The following PAPSS2 variants were observed in gnomAD, a reference collection of about 807,000 sequenced individuals.
PAPSS2 encodes the protein 3'-phosphoadenosine 5'-phosphosulfate synthase 2, also known as bifunctional 3'-phosphoadenosine 5'-phosphosulfate synthase 2.
A neutral mutation model predicts 66.5 loss-of-function variants in PAPSS2; 61 were observed. That is an observed-to-expected ratio of 0.92 (90% confidence interval 0.75 to 1.14). The LOEUF is 1.14. Ranked by LOEUF, PAPSS2 falls within the 50% of genes most tolerant of loss-of-function variation. The probability of loss-of-function intolerance (pLI) is 0.00; values close to 1 mark genes in which losing one functional copy is unlikely to be tolerated. For synonymous variants in PAPSS2, 289 were observed against 287.5 expected (o/e 1.01, Z -0.05); for missense variants, 708 against 789.6 (o/e 0.90, Z 1.24).
At chr10:87,692,613 G>A in intron 1 of PAPSS2, among the ~76,000 whole-genome samples, 1 of 152,178 alleles carries the variant, frequency 6.6e-6, no homozygotes, top group Non-Finnish European at 1.5e-5. Flanking sequence ...ATTATTGGCT[G>A]CTTGTTGTTT....
intron 9 of PAPSS2, among the ~76,000 whole-genome samples, chr10:87,733,543 G>A (rs1853756150): frequency 6.6e-6 from 1 of 152,194 alleles, no homozygotes; most frequent in Non-Finnish European, 1.5e-5. Flanking sequence ...GGGAATGAGA[G>A]TTTATAGCCT....
Position 87,727,428 on chromosome 10 carries a change from G to T in PAPSS2, c.1025G>T (p.Arg342Ile). ...ILRDAEFYEHRKEERCSRVWG... is the reference protein window; with the variant it reads ...ILRDAEFYEHIKEERCSRVWG... ...CGAGACGCTGAATTCTATGAACACA[G>T]AAAAGAGGAACGCTGTTCCCGTGTT... Residue 342 changes from arginine (R) to isoleucine (I), a missense_variant, in exon 9 of 13, where the codon AGA (arginine) becomes ATA (isoleucine). Physicochemically the swap from Arg to Ile is moderately conservative, Grantham distance 97. Coordinates refer to ENST00000456849, the MANE Select transcript of PAPSS2 (RefSeq NM_001015880.2). 1 of 1,614,108 alleles carries T rather than the reference G, an allele frequency of 6.2e-7. No homozygotes were observed. Among genetic ancestry groups the T allele is most frequent in the Non-Finnish European group, 8.5e-7 (1 of 1,180,002 alleles).
At chr10:87,665,243 G>C (rs1271375471) in intron 1 of PAPSS2, among the ~76,000 whole-genome samples, 2 of 150,194 alleles carry the variant, frequency 1.3e-5, no homozygotes, top group African/African-American at 4.9e-5. Flanking sequence ...ACAGAGTCTC[G>C]CACTGTCACC....
intron 6 of PAPSS2, 113 bp from the exon 7 acceptor site, chr10:87,715,619 A>G (rs1236309089): frequency 2.7e-6 from 2 of 729,110 alleles, no homozygotes; most frequent in Non-Finnish European, 5.1e-6. Flanking sequence ...CTTAAAACAT[A>G]GAAGGTTCTG....
chr10:87,676,551 A>AACTG (rs72163828), intron 1 of PAPSS2, among the ~76,000 whole-genome samples: 2 of 151,510 alleles, frequency 1.3e-5, no homozygotes, highest in African/African-American at 4.8e-5. Context: ...CAAATTAACT[A>AACTG]ATTAGCTTTG....
At chr10:87,711,262 G>A (rs180935460) in intron 2 of PAPSS2, among the ~76,000 whole-genome samples, 7 of 152,310 alleles carry the variant, frequency 4.6e-5, no homozygotes, top group Admixed American at 3.3e-4. Context: ...TGGAGGTGTC[G>A]ATAGAACTAA....
At chr10:87,683,519 G>A (rs1853050686) in intron 1 of PAPSS2, among the ~76,000 whole-genome samples, 1 of 152,168 alleles carries the variant, frequency 6.6e-6, no homozygotes. Context: ...ACGAAACAGA[G>A]TTCAATGGTC....
intron 1 of PAPSS2, among the ~76,000 whole-genome samples, chr10:87,675,178 G>A (rs1428552749): frequency 6.6e-6 from 1 of 152,186 alleles, no homozygotes; most frequent in African/African-American, 2.4e-5. Flanking sequence ...CTTAGTCATA[G>A]CATTAGCACT....
chr10:87,697,771 A>G (rs1853252436), intron 1 of PAPSS2, among the ~76,000 whole-genome samples: 1 of 152,212 alleles, frequency 6.6e-6, no homozygotes, highest in Non-Finnish European at 1.5e-5. Flanking sequence ...TGGGTGGTTT[A>G]TCATCCAATG....
chr10:87,715,090 A>G lies in PAPSS2; in HGVS notation c.745A>G (p.Ile249Val). 2 of 1,586,588 alleles carry G rather than the reference A, an allele frequency of 1.3e-6. No individual in the cohort carries two copies. The highest frequency in any genetic ancestry group is 1.1e-5 in the South Asian group (1 of 90,528). Reference sequence around the variant, plus strand: ...GGCTGAAACTCTCCCTTCATTATCAATTACTAAGGTAAGTGGGTGCAGACT... The same window carrying G: ...GGCTGAAACTCTCCCTTCATTATCAGTTACTAAGGTAAGTGGGTGCAGACT... ...AEAETLPSLS[I>V]TKLDLQWVQV... Residue 249 changes from isoleucine (I) to valine (V), a missense_variant, in exon 6 of 13, where the codon ATT becomes GTT. Ile to Val is a conservative substitution (Grantham distance 29, BLOSUM62 3). Coordinates refer to ENST00000456849, the MANE Select transcript of PAPSS2 (RefSeq NM_001015880.2).
chr10:87,745,299 C>A, intron 12 of PAPSS2, 68 bp downstream of exon 12: 1 of 1,351,026 alleles, frequency 7.4e-7, no homozygotes, highest in Non-Finnish European at 1.0e-6. Flanking sequence ...AGAATTTGGG[C>A]CCTTTGAAAA....
Position 87,743,459 on chromosome 10 carries a change from A to G in PAPSS2, c.1309A>G (p.Arg437Gly), listed in dbSNP as rs200611936. Residue 437 changes from arginine (R) to glycine (G), a missense_variant, in exon 11 of 13, where the codon AGG (arginine) becomes GGG (glycine). Transcript: ENST00000456849. ...GGACACTCGCCGCAGGCTCCTAGAG[A>G]GGGGCTACAAGCACCCGGTCCTCCT... ...MQDTRRRLLERGYKHPVLLLH... is the reference protein window; with the variant it reads ...MQDTRRRLLEGGYKHPVLLLH... 4.0e-5 allele frequency: 65 copies of G among 1,614,050 alleles called. No homozygotes were observed. In the East Asian group the frequency reaches 1.4e-3, roughly 36 times the overall value.
At chr10:87,695,939 T>C (rs1054847442) in intron 1 of PAPSS2, among the ~76,000 whole-genome samples, 1 of 152,170 alleles carries the variant, frequency 6.6e-6, no homozygotes. Context: ...ACACCCAGGA[T>C]AGCCATGAAA....
At chr10:87,711,020 A>C (rs1484102459) in intron 2 of PAPSS2, among the ~76,000 whole-genome samples, 2 of 152,194 alleles carry the variant, frequency 1.3e-5, no homozygotes, top group Non-Finnish European at 2.9e-5. Flanking sequence ...AAAATAAAAA[A>C]TTAAATTAAA....
At chr10:87,724,742 C>A (rs1003533715) in intron 8 of PAPSS2, among the ~76,000 whole-genome samples, 1 of 147,114 alleles carries the variant, frequency 6.8e-6, no homozygotes, top group Non-Finnish European at 1.5e-5. Flanking sequence ...GATATTATAT[C>A]TGAATTATAT....
chr10:87,715,026 C>T lies in PAPSS2; in HGVS notation c.681C>T (p.Leu227=), dbSNP rs747349484. 1.9e-6 allele frequency: 3 copies of T among 1,613,492 alleles called. No homozygotes were observed. In the South Asian group the frequency reaches 3.3e-5, roughly 18 times the overall value. Reference sequence around the variant, plus strand: ...CTATAATCAAAGATATCCACGAACTCTTTGTGCCGGAAAACAAACTTGACC... The same window carrying T: ...CTATAATCAAAGATATCCACGAACTTTTTGTGCCGGAAAACAAACTTGACC... ...PYTIIKDIHE[L]FVPENKLDHV... Residue 227 remains leucine (L), a synonymous_variant, in exon 6 of 13, where the codon CTC becomes CTT. Transcript: ENST00000456849.
intron 1 of PAPSS2, among the ~76,000 whole-genome samples, chr10:87,682,940 C>T (rs12570024): frequency 0.085 from 12,945 of 152,186 alleles, 805 homozygotes; most frequent in East Asian, 0.33. Flanking sequence ...AGATGCTGCG[C>T]GTGCTTTCCC....
chr10:87,688,662 G>A (rs911840412), intron 1 of PAPSS2, among the ~76,000 whole-genome samples: 4 of 151,738 alleles, frequency 2.6e-5, no homozygotes, highest in Non-Finnish European at 5.9e-5. Context: ...GGGTTTCACT[G>A]TGTTAGCCAT....
chr10:87,727,604 T>C (rs1400480249), intron 9 of PAPSS2, 115 bp downstream of exon 9: 33 of 892,536 alleles, frequency 3.7e-5, no homozygotes, highest in South Asian at 1.7e-4. Context: ...GGTGGAAGAA[T>C]GTATTTCTAA....
Sources: gnomAD v4.1 joint callset for allele counts (sites outside exome capture counted in the v4.1 genomes callset) on GRCh38, gnomAD v4.1.1 for gene constraint, MANE v1.5 for transcripts, NCBI Gene and HGNC (gene_info 2026-07-23, HGNC 2026-07-21) for gene names.